TMEM132D: variants seen among roughly 807,000 people sequenced by gnomAD.
TMEM132D encodes the protein transmembrane protein 132D, also known as mature OL transmembrane protein.
TMEM132D carries 21 observed loss-of-function variants against 62.3 expected under a neutral mutation model. That is an observed-to-expected ratio of 0.34 (90% CI 0.24 to 0.49). TMEM132D has a LOEUF of 0.49. Ranked by LOEUF, TMEM132D falls within the 20% of genes least tolerant of loss-of-function variation. TMEM132D has a pLI of 0.99. For missense variants in TMEM132D, 1,346 were observed against 1,402.8 expected (o/e 0.96, Z 0.65); for synonymous variants, 621 against 575.6 (o/e 1.08, Z -1.13).
chr12:129,498,668 A>G (rs1197160592), intron 3 of TMEM132D, among the ~76,000 whole-genome samples: 1 of 152,204 alleles, frequency 6.6e-6, no homozygotes, highest in Non-Finnish European at 1.5e-5. Context: ...AAATCCAAAT[A>G]CACTTTGGGG....
chr12:129,141,762 T>G (rs966400778), intron 5 of TMEM132D, among the ~76,000 whole-genome samples: 1 of 151,960 alleles, frequency 6.6e-6, no homozygotes, highest in Non-Finnish European at 1.5e-5. Context: ...TGGGGAATGC[T>G]AGAGCAGGGA....
chr12:129,474,484 G>C (rs1285360351), intron 3 of TMEM132D, among the ~76,000 whole-genome samples: 1 of 152,170 alleles, frequency 6.6e-6, no homozygotes, highest in African/African-American at 2.4e-5. Flanking sequence ...GTGCTCAAAG[G>C]AAGTTCACAA....
chr12:129,569,772 C>A (rs1356970433), intron 2 of TMEM132D, among the ~76,000 whole-genome samples: 1 of 152,158 alleles, frequency 6.6e-6, no homozygotes, highest in Admixed American at 6.5e-5. Context: ...AGATGACTGG[C>A]TGCTGAGAAC....
chr12:129,201,241 C>G (rs1179331647), intron 5 of TMEM132D, among the ~76,000 whole-genome samples: 1 of 152,186 alleles, frequency 6.6e-6, no homozygotes, highest in African/African-American at 2.4e-5. Flanking sequence ...GCAAATTTTT[C>G]AGGAGTAATA....
chr12:129,176,668 C>A (rs1425218324), intron 5 of TMEM132D, among the ~76,000 whole-genome samples: 2 of 152,254 alleles, frequency 1.3e-5, no homozygotes, highest in African/African-American at 4.8e-5. Flanking sequence ...CACTTCAAGA[C>A]TTTTGCCAGG....
chr12:129,304,524 C>T (rs1465623093), intron 4 of TMEM132D, among the ~76,000 whole-genome samples: 2 of 152,068 alleles, frequency 1.3e-5, no homozygotes, highest in East Asian at 3.9e-4. Flanking sequence ...CCTGAACAAT[C>T]CCATATCCTG....
At chr12:129,424,687 G>C (rs57550203) in intron 3 of TMEM132D, among the ~76,000 whole-genome samples, 1 of 125,162 alleles carries the variant, frequency 8.0e-6, no homozygotes, top group African/African-American at 3.0e-5. Context: ...CAGCCTGGGT[G>C]ACAGAGCGAG....
Position 129,510,766 on chromosome 12 carries a change from T to A in TMEM132D, c.1115+20293A>T, listed in dbSNP as rs186339669. On this transcript the variant is annotated intron_variant, in intron 3 of 8. Coordinates refer to ENST00000422113, the MANE Select transcript of TMEM132D (RefSeq NM_133448.3). ...TTGTATTCCAGCGTCTAATAATTAT[T>A]TTTTGCCATTTCTTTCAGCACAATC... is the stretch of plus-strand genomic sequence containing the variant. Among the ~76,000 whole-genome samples, 30 of 152,228 alleles carry A rather than the reference T, an allele frequency of 2.0e-4. No individual in the cohort carries two copies. The East Asian group carries it at 5.2e-3, about 26-fold the overall frequency.
intron 1 of TMEM132D, among the ~76,000 whole-genome samples, chr12:129,719,083 G>GAAAAAAAAA (rs59987335): frequency 1.0e-5 from 1 of 99,166 alleles, no homozygotes; most frequent in African/African-American, 3.6e-5. Flanking sequence ...CAAAAAAAAT[G>GAAAAAAAAA]AAAAAAAAAA....
chr12:129,591,303 C>A (rs188873091), intron 2 of TMEM132D, among the ~76,000 whole-genome samples: 1 of 152,088 alleles, frequency 6.6e-6, no homozygotes, highest in Non-Finnish European at 1.5e-5. Context: ...TCCCTTGTAT[C>A]GGAGGATGGT....
At chr12:129,633,700 A>C (rs1379399954) in intron 2 of TMEM132D, among the ~76,000 whole-genome samples, 1 of 152,106 alleles carries the variant, frequency 6.6e-6, no homozygotes, top group African/African-American at 2.4e-5. Context: ...GTCAGGACCC[A>C]TCACTTTCCC....
At chr12:129,829,969 ATTAC>A (rs1872779068) in intron 1 of TMEM132D, among the ~76,000 whole-genome samples, 2 of 152,094 alleles carry the variant, frequency 1.3e-5, no homozygotes, top group African/African-American at 4.8e-5. Flanking sequence ...GTTATATTTC[ATTAC>A]TTACTTGTGA....
At position 129,148,991 on chromosome 12, in the gene TMEM132D, C is replaced by CT. The variant is rs1424826449; in HGVS notation, c.1443+60528dup. On this transcript the variant is annotated intron_variant, in intron 5 of 8. Coordinates refer to ENST00000422113, the MANE Select transcript of TMEM132D (RefSeq NM_133448.3). ...TCTCCTCAGCTTTGACAAAAAGGGA[C>CT]TTTTTTTTAATGAAAAATGCTGCCC... is the stretch of plus-strand genomic sequence containing the variant. Among the ~76,000 whole-genome samples the CT allele has an allele frequency of 1.7e-3, 255 of 152,062 alleles. 6 individuals carry two copies. Among genetic ancestry groups the CT allele is most frequent in the Non-Finnish European group, 1.8e-3 (124 of 67,986 alleles).
At chr12:129,289,440 A>T (rs1881386452) in intron 4 of TMEM132D, among the ~76,000 whole-genome samples, 1 of 151,638 alleles carries the variant, frequency 6.6e-6, no homozygotes, top group South Asian at 2.1e-4. Context: ...GCTACACAGA[A>T]GGCTGAGGAA....
intron 2 of TMEM132D, among the ~76,000 whole-genome samples, chr12:129,574,689 C>A (rs1323191828): frequency 1.3e-5 from 2 of 151,656 alleles, no homozygotes; most frequent in Non-Finnish European, 2.9e-5. Context: ...CGTCAGCATC[C>A]ACAGCGAGAT....
intron 1 of TMEM132D, among the ~76,000 whole-genome samples, chr12:129,717,137 C>T (rs1868609150): frequency 6.6e-6 from 1 of 152,234 alleles, no homozygotes; most frequent in Admixed American, 6.5e-5. Flanking sequence ...GCACTTGAGG[C>T]ATGCACAACC....
intron 2 of TMEM132D, among the ~76,000 whole-genome samples, chr12:129,562,844 C>T (rs957545705): frequency 1.3e-5 from 2 of 152,122 alleles, no homozygotes; most frequent in Non-Finnish European, 2.9e-5. Context: ...CTTTAAGACC[C>T]GGTTTACAGA....
At chr12:129,333,370 T>C (rs1869173285) in intron 4 of TMEM132D, among the ~76,000 whole-genome samples, 1 of 152,230 alleles carries the variant, frequency 6.6e-6, no homozygotes, top group East Asian at 1.9e-4. Flanking sequence ...TAAAAATGTG[T>C]GCAAAGATTT....
At chr12:129,228,940 A>T (rs184906311) in intron 4 of TMEM132D, among the ~76,000 whole-genome samples, 12 of 152,346 alleles carry the variant, frequency 7.9e-5, no homozygotes, top group Admixed American at 3.9e-4. Context: ...GAAAATCAGA[A>T]GTTCAGCAAT....
Sources: allele counts gnomAD v4.1 joint callset (sites outside exome capture counted in the v4.1 genomes callset), GRCh38; gene constraint gnomAD v4.1.1; transcripts MANE v1.5; gene names NCBI Gene and HGNC (gene_info 2026-07-23, HGNC 2026-07-21).